Variants in SYNPR observed in about 807,000 individuals in gnomAD.
SYNPR encodes the protein synaptoporin.
In SYNPR, 23 loss-of-function variants were observed where a neutral mutation model predicts 32.9. The observed-to-expected ratio is 0.70, with a 90% CI of 0.50 to 0.99. SYNPR has a LOEUF of 0.99. Ranked by LOEUF, SYNPR falls within the 50% of genes least tolerant of loss-of-function variation. The pLI is 0.00. For synonymous variants in SYNPR, 146 were observed against 135.9 expected, an observed-to-expected ratio of 1.07 and a Z score of -0.52; for missense variants, 318 against 349.3, an observed-to-expected ratio of 0.91 and a Z score of 0.71.
intron 2 of SYNPR, among the ~76,000 whole-genome samples, chr3:63,406,878 T>G (rs1188157113): frequency 1.3e-5 from 2 of 152,096 alleles, no homozygotes; most frequent in East Asian, 3.8e-4. Flanking sequence ...GTCTAAAAAT[T>G]TTTACTGCTG....
In SYNPR at chr3:63,340,213, T is replaced by C. The variant is rs180876313; in HGVS notation, c.84+61471T>C. ...GTATAGTTTGTTAACCATTCACTCA[T>C]TGAAGAATATCTATGCTGTTTTCAT... is the stretch of plus-strand genomic sequence containing the variant. On this transcript the variant is annotated intron_variant, in intron 2 of 5. Coordinates refer to ENST00000478300, the MANE Select transcript of SYNPR (RefSeq NM_001130003.2). Among the ~76,000 whole-genome samples, 22 of 152,302 alleles carry C rather than the reference T, an allele frequency of 1.4e-4. No homozygotes were observed. The East Asian group carries it at 3.7e-3, about 25-fold the overall frequency.
intron 2 of SYNPR, among the ~76,000 whole-genome samples, chr3:63,472,457 C>A (rs1700821003): frequency 6.6e-6 from 1 of 152,120 alleles, no homozygotes; most frequent in African/African-American, 2.4e-5. Context: ...ACACAGAAAA[C>A]TAAATATAAT....
chr3:63,294,689 A>C (rs571184393), intron 2 of SYNPR, among the ~76,000 whole-genome samples: 1 of 152,150 alleles, frequency 6.6e-6, no homozygotes, highest in Non-Finnish European at 1.5e-5. Flanking sequence ...AATTTTTAGA[A>C]TGTCAAAGGT....
chr3:63,498,841 T>C (rs1701423443), intron 3 of SYNPR, among the ~76,000 whole-genome samples: 2 of 151,552 alleles, frequency 1.3e-5, no homozygotes, highest in Non-Finnish European at 2.9e-5. Context: ...AGGCCAGCCA[T>C]GGTGGCTCAC....
chr3:63,582,912 T>A (rs778224624), intron 4 of SYNPR, among the ~76,000 whole-genome samples: 5 of 152,068 alleles, frequency 3.3e-5, no homozygotes, highest in African/African-American at 1.2e-4. Context: ...CTCATGTAAG[T>A]GTCACGCGTG....
rs34982859 is a variant in SYNPR at position 63,349,108 on chromosome 3, AT to A, written c.84+70378del. On this transcript the variant is annotated intron_variant, in intron 2 of 5. Transcript: ENST00000478300. Reference sequence around the variant, plus strand: ...CAGTATGATAATTTTAACAACATTAATTTTTTTTTTTTGAGATGGAGTCTCT... The same window carrying A: ...CAGTATGATAATTTTAACAACATTAATTTTTTTTTTTGAGATGGAGTCTCT... Among the ~76,000 whole-genome samples, 1,168 of 148,350 alleles carry A rather than the reference AT, an allele frequency of 7.9e-3. 8 individuals are homozygous for A. The highest frequency in any genetic ancestry group is 0.014 in the Middle Eastern group (4 of 280).
intron 3 of SYNPR, among the ~76,000 whole-genome samples, chr3:63,272,754 G>C (rs921396680): frequency 6.6e-6 from 1 of 151,972 alleles, no homozygotes; most frequent in Admixed American, 6.6e-5. Context: ...TTTCTTCCCT[G>C]CTATATAAAT....
intron 3 of SYNPR, among the ~76,000 whole-genome samples, chr3:63,490,185 A>T (rs1701233185): frequency 6.6e-6 from 1 of 152,092 alleles, no homozygotes; most frequent in Non-Finnish European, 1.5e-5. Flanking sequence ...GGGAGAGCAA[A>T]GGACAAGAGC....
chr3:63,424,493 G>C (rs979381775), intron 2 of SYNPR, among the ~76,000 whole-genome samples: 3 of 152,116 alleles, frequency 2.0e-5, no homozygotes, highest in African/African-American at 7.2e-5. Context: ...AAATAGGAAT[G>C]CATAAAGCAT....
intron 3 of SYNPR, among the ~76,000 whole-genome samples, chr3:63,491,232 C>G (rs957826172): frequency 6.6e-6 from 1 of 152,110 alleles, no homozygotes; most frequent in African/African-American, 2.4e-5. Context: ...TGATTTTAAA[C>G]AAGTCATTGC....
At position 63,553,143 on chromosome 3, in the gene SYNPR, G is replaced by C. The variant is rs57955525; in HGVS notation, c.210-3400G>C. 4.5e-3 allele frequency among the ~76,000 whole-genome samples: 681 copies of C among 152,250 alleles called. 9 individuals carry two copies. Among genetic ancestry groups the C allele is most frequent in the African/African-American group, 0.016 (651 of 41,540 alleles). On this transcript the variant is annotated intron_variant, in intron 3 of 5. Coordinates refer to ENST00000478300, the MANE Select transcript of SYNPR (RefSeq NM_001130003.2). Reference sequence around the variant, plus strand: ...GTCTGTTGTTCCCATGTTTACGTCTGTGTGTGCTTCATGTTTAGCTCCCAC... The same window carrying C: ...GTCTGTTGTTCCCATGTTTACGTCTCTGTGTGCTTCATGTTTAGCTCCCAC...
At position 63,347,565 on chromosome 3, in the gene SYNPR, C is replaced by T. The variant is rs150702357; in HGVS notation, c.84+68823C>T. Among the ~76,000 whole-genome samples the T allele has an allele frequency of 5.6e-3, 856 of 152,206 alleles. 11 individuals carry two copies. Among genetic ancestry groups the T allele is most frequent in the African/African-American group, 0.02 (827 of 41,522 alleles). On this transcript the variant is annotated intron_variant, in intron 2 of 5. Coordinates refer to ENST00000478300, the MANE Select transcript of SYNPR (RefSeq NM_001130003.2). ...TATGTCGTGCTGAAGTCTGGGCTTT[C>T]AGGGTAACCATTACCTGGATAGTGT...
intron 3 of SYNPR, among the ~76,000 whole-genome samples, chr3:63,482,380 CT>C (rs1179827655): frequency 6.6e-6 from 1 of 152,126 alleles, no homozygotes; most frequent in African/African-American, 2.4e-5. Context: ...GCTTTTCTTT[CT>C]AACATTATCT....
intron 1 of SYNPR, among the ~76,000 whole-genome samples, chr3:63,242,651 A>T (rs1665968050): frequency 6.6e-6 from 1 of 152,064 alleles, no homozygotes; most frequent in Non-Finnish European, 1.5e-5. Context: ...CAGACTACAC[A>T]CAGAAATCAG....
chr3:63,610,667 T>C (rs1182853439), intron 5 of SYNPR: 1 of 463,190 alleles, frequency 2.2e-6, no homozygotes, highest in Non-Finnish European at 3.9e-6. Context: ...CATATTTACT[T>C]ATACTTCTGT....
intron 2 of SYNPR, among the ~76,000 whole-genome samples, chr3:63,461,259 T>C (rs1047797082): frequency 2.0e-5 from 3 of 152,132 alleles, no homozygotes; most frequent in Non-Finnish European, 4.4e-5. Flanking sequence ...CTTGTAGCAT[T>C]AAGAAATGAG....
At chr3:63,332,103 A>T (rs2087237184) in intron 2 of SYNPR, among the ~76,000 whole-genome samples, 1 of 152,186 alleles carries the variant, frequency 6.6e-6, no homozygotes, top group Non-Finnish European at 1.5e-5. Flanking sequence ...AACATTTCAG[A>T]AGAAGACCTA....
chr3:63,488,357 G>A (rs1701195370), intron 3 of SYNPR, among the ~76,000 whole-genome samples: 1 of 152,212 alleles, frequency 6.6e-6, no homozygotes, highest in South Asian at 2.1e-4. Flanking sequence ...AATAAATTTT[G>A]TGTATGATGA....
chr3:63,542,928 T>C (rs192264182), intron 3 of SYNPR, among the ~76,000 whole-genome samples: 1 of 152,244 alleles, frequency 6.6e-6, no homozygotes, highest in African/African-American at 2.4e-5. Flanking sequence ...ATTTATCATC[T>C]AGATCAGCAG....
Sources: gnomAD v4.1 joint callset for allele counts (sites outside exome capture counted in the v4.1 genomes callset) on GRCh38, gnomAD v4.1.1 for gene constraint, MANE v1.5 for transcripts, NCBI Gene and HGNC (gene_info 2026-07-23, HGNC 2026-07-21) for gene names.